Variants in RAD50 observed in about 807,000 individuals in gnomAD.
The protein encoded by RAD50 is DNA repair protein RAD50.
A neutral mutation model predicts 168.8 loss-of-function variants in RAD50; 132 were observed. That is an observed-to-expected ratio of 0.78 (90% CI 0.68 to 0.90). RAD50 has a LOEUF of 0.90. Among genes scored for constraint, RAD50 ranks in the 40% least tolerant of loss-of-function variants. The pLI, the probability that RAD50 is intolerant of heterozygous loss-of-function variation, is 0.00. For missense variants in RAD50, 1,347 were observed against 1,534.4 expected (o/e 0.88, Z 2.04); for synonymous variants, 525 against 497.4 (o/e 1.06, Z -0.74).
chr5:132,572,720 C>T lies in RAD50; in HGVS notation c.214-3057C>T, dbSNP rs144641043. On this transcript the variant is annotated intron_variant, in intron 2 of 24. Coordinates refer to ENST00000378823, the MANE Select transcript of RAD50 (RefSeq NM_005732.4). ...TAAACTTTATTTTGTAGATCAGCTT[C>T]GGGTTTATAGCAAAATTGAGCAGAA... Among the ~76,000 whole-genome samples, 338 of 152,174 alleles carry T rather than the reference C, an allele frequency of 2.2e-3. 2 individuals are homozygous for T. Among genetic ancestry groups the T allele is most frequent in the Middle Eastern group, 0.02 (6 of 294 alleles).
In RAD50 at chr5:132,557,272, G is replaced by T. The variant is rs1750016405; in HGVS notation, c.-53G>T. The stretch of plus-strand genomic sequence containing the variant: ...CCGTGCACGCCTTGCTTCGGCCTCA[G>T]TTAAGCCTTTGTGGGCTCCAGGTCC... On this transcript the variant is annotated 5_prime_UTR_variant, in exon 1 of 25. Transcript: ENST00000378823. 6.2e-7 allele frequency: 1 copy of T among 1,604,420 alleles called. No homozygotes were observed. The highest frequency in any genetic ancestry group is 2.2e-5 in the East Asian group (1 of 44,822).
Position 132,564,311 on chromosome 5 carries a change from A to AGGAG in RAD50, c.213+4946_213+4949dup, listed in dbSNP as rs376963771. Among the ~76,000 whole-genome samples, 842 of 152,318 alleles carry AGGAG rather than the reference A, an allele frequency of 5.5e-3. 10 individuals carry two copies. Among genetic ancestry groups the AGGAG allele is most frequent in the African/African-American group, 0.018 (755 of 41,586 alleles). On this transcript the variant is annotated intron_variant, in intron 2 of 24. Transcript: ENST00000378823. ...GATATGAATAATGAAGTCTAGGCTG[A>AGGAG]GGAGGTCTCAGATGGAGATAAGGAG...
chr5:132,624,871 CAA>C (rs10671829), intron 21 of RAD50, among the ~76,000 whole-genome samples: 13 of 57,318 alleles, frequency 2.3e-4, no homozygotes, highest in Admixed American at 5.7e-4. Flanking sequence ...GACCCTGTCT[CAA>C]AAAAAAAAAA....
intron 11 of RAD50, 37 bp downstream of exon 11, chr5:132,592,071 T>C: frequency 6.4e-7 from 1 of 1,563,434 alleles, no homozygotes; most frequent in Non-Finnish European, 8.8e-7. Flanking sequence ...TAGAAATCTC[T>C]TATTTCATGC....
chr5:132,632,328 A>G (rs1323569052), intron 21 of RAD50, among the ~76,000 whole-genome samples: 1 of 152,212 alleles, frequency 6.6e-6, no homozygotes, highest in Admixed American at 6.5e-5. Flanking sequence ...ACTTAGGCTC[A>G]TTTCCATGAC....
chr5:132,633,096 T>C (rs1476109147), intron 21 of RAD50, among the ~76,000 whole-genome samples: 4 of 140,570 alleles, frequency 2.8e-5, no homozygotes, highest in African/African-American at 1.2e-4. Context: ...CTTTCGTTTT[T>C]TCTTTTTTTT....
intron 2 of RAD50, among the ~76,000 whole-genome samples, chr5:132,560,158 G>A (rs1023624172): frequency 7.9e-5 from 12 of 151,694 alleles, no homozygotes; most frequent in Non-Finnish European, 2.9e-5. Flanking sequence ...CTATGTTTTC[G>A]TTACGTATTC....
Position 132,642,563 on chromosome 5 carries a change from T to C in RAD50, c.*199T>C. On this transcript the variant is annotated 3_prime_UTR_variant, in exon 25 of 25. Transcript: ENST00000378823. ...AATTGGACAGATTGCCTGTTTCTGATTTGCTGCTCTTCATCCCATTCCAGG... is the reference window on the plus strand; with the variant it reads ...AATTGGACAGATTGCCTGTTTCTGACTTGCTGCTCTTCATCCCATTCCAGG... The C allele has an allele frequency of 1.6e-6, 1 of 616,962 alleles. No individual in the cohort carries two copies. The highest frequency in any genetic ancestry group is 2.8e-6 in the Non-Finnish European group (1 of 359,280). 38.2% of individuals were successfully genotyped at this position (616,962 alleles called of 1,614,324 possible).
In RAD50 at chr5:132,646,092, C is replaced by CAAAAAAAAAAAAAAAAAAAAA. The variant is rs757145249; in HGVS notation, c.*3729_*3749dup. ...CAGAGTGAGACCCTGTCTAAAAAGA[C>CAAAAAAAAAAAAAAAAAAAAA]AAAAAAAAAAAAAAAAAAAAAGCAG... On this transcript the variant is annotated 3_prime_UTR_variant, in exon 25 of 25. Coordinates refer to ENST00000378823, the MANE Select transcript of RAD50 (RefSeq NM_005732.4). 3.9e-5 allele frequency: 3 copies of CAAAAAAAAAAAAAAAAAAAAA among 77,168 alleles called. No individual in the cohort carries two copies. The highest frequency in any genetic ancestry group is 1.7e-4 in the Admixed American group (1 of 5,930). 4.8% of individuals were successfully genotyped at this position (77,168 alleles called of 1,614,324 possible).
chr5:132,579,527 G>A (rs2149837840), intron 4 of RAD50, 25 bp downstream of exon 4: 1 of 1,589,826 alleles, frequency 6.3e-7, no homozygotes, highest in South Asian at 1.1e-5. Flanking sequence ...AATAGACTTT[G>A]TAGTCCATTA....
chr5:132,643,000 T>A lies in RAD50; in HGVS notation c.*636T>A. On this transcript the variant is annotated 3_prime_UTR_variant, in exon 25 of 25. Coordinates refer to ENST00000378823, the MANE Select transcript of RAD50 (RefSeq NM_005732.4). ...CCACCTTCTTCTCCTACATATCCCT[T>A]CCAGATGGTCATCCAGACTCAGAGC... 1 of 528,302 alleles carries A rather than the reference T, an allele frequency of 1.9e-6. No homozygotes were observed. Among genetic ancestry groups the A allele is most frequent in the South Asian group, 1.5e-5 (1 of 64,908 alleles). The allele number at this position is 528,302 out of a possible 1,614,324, so 32.7% of individuals were successfully genotyped here.
chr5:132,620,336 T>C (rs1751265535), intron 21 of RAD50, among the ~76,000 whole-genome samples: 1 of 152,234 alleles, frequency 6.6e-6, no homozygotes, highest in East Asian at 1.9e-4. Context: ...AGACTATCCT[T>C]CTCTCAGTGA....
At position 132,642,481 on chromosome 5, in the gene RAD50, G is replaced by GTGTCTAGGATTTTGGATGTTGA. The variant is rs1354764362; in HGVS notation, c.*118_*139dup. On this transcript the variant is annotated 3_prime_UTR_variant, in exon 25 of 25. Transcript: ENST00000378823. ...AAATATATTCTTTCAAAGGAACATT[G>GTGTCTAGGATTTTGGATGTTGA]TGTCTAGGATTTTGGATGTTGAGAG... 7.8e-6 allele frequency: 8 copies of GTGTCTAGGATTTTGGATGTTGA among 1,023,852 alleles called. No individual in the cohort carries two copies. The highest frequency in any genetic ancestry group is 9.9e-6 in the Non-Finnish European group (7 of 703,978). 63.4% of individuals were successfully genotyped at this position (1,023,852 alleles called of 1,614,324 possible).
At chr5:132,607,695 A>T (rs1335028409) in intron 16 of RAD50, among the ~76,000 whole-genome samples, 1 of 152,194 alleles carries the variant, frequency 6.6e-6, no homozygotes, top group Non-Finnish European at 1.5e-5. Context: ...CTTTATAGAA[A>T]AATTGAGATT....
intron 14 of RAD50, 150 bp from the exon 15 acceptor site, chr5:132,603,770 C>G: frequency 1.2e-6 from 1 of 820,130 alleles, no homozygotes. Flanking sequence ...ATTAATTTCA[C>G]TTTTATCCTA....
intron 13 of RAD50, among the ~76,000 whole-genome samples, chr5:132,599,752 G>A (rs544563876): frequency 1.3e-3 from 191 of 151,856 alleles, no homozygotes; most frequent in African/African-American, 4.5e-3. Flanking sequence ...TTAAATATGG[G>A]AAAGCAATTG....
chr5:132,587,778 GA>G, intron 6 of RAD50, 88 bp downstream of exon 6: 1 of 1,580,216 alleles, frequency 6.3e-7, no homozygotes. Flanking sequence ...ATCCACATTG[GA>G]AAAAAACAAA....
At chr5:132,595,955 A>G (rs1750785474) in intron 13 of RAD50, 145 bp downstream of exon 13, 2 of 769,440 alleles carry the variant, frequency 2.6e-6, no homozygotes, top group Admixed American at 4.4e-5. Flanking sequence ...AAGAAGATTC[A>G]ATTATTTTGT....
rs974887798 is a variant in RAD50 at position 132,642,982 on chromosome 5, C to T, written c.*618C>T. ...CATCTAAGTCAGTACCCACCACCTT[C>T]TTCTCCTACATATCCCTTCCAGATG... On this transcript the variant is annotated 3_prime_UTR_variant, in exon 25 of 25. Transcript: ENST00000378823. 1.9e-6 allele frequency: 1 copy of T among 525,712 alleles called. No individual in the cohort carries two copies. Among genetic ancestry groups the T allele is most frequent in the Admixed American group, 2.3e-5 (1 of 44,278 alleles). The allele number at this position is 525,712 out of a possible 1,614,324, so 32.6% of individuals were successfully genotyped here.
Sources: gnomAD v4.1 joint callset for allele counts (sites outside exome capture counted in the v4.1 genomes callset) on GRCh38, gnomAD v4.1.1 for gene constraint, MANE v1.5 for transcripts, NCBI Gene and HGNC (gene_info 2026-07-23, HGNC 2026-07-21) for gene names.